The following SMARCA2 variants were observed in gnomAD, a reference collection of about 807,000 sequenced individuals.
SMARCA2 encodes SWI/SNF related BAF chromatin remodeling complex subunit ATPase 2, also known as SWI/SNF-related matrix-associated actin-dependent regulator of chromatin subfamily A member 2.
Under a neutral mutation model 199.8 loss-of-function variants are expected in SMARCA2, and 61 were observed. The observed-to-expected ratio is 0.31, with a 90% CI of 0.25 to 0.38. SMARCA2 has a LOEUF of 0.38. Ranked by LOEUF, SMARCA2 falls within the 10% of genes least tolerant of loss-of-function variation. The pLI, the probability that SMARCA2 is intolerant of heterozygous loss-of-function variation, is 1.00. For synonymous variants in SMARCA2, 935 were observed against 732.0 expected (o/e 1.28, Z -4.48); for missense variants, 1,344 against 2,012.2 (o/e 0.67, Z 6.35).
intron 8 of SMARCA2, among the ~76,000 whole-genome samples, chr9:2,059,500 G>A (rs1302359760): frequency 6.6e-6 from 1 of 152,146 alleles, no homozygotes; most frequent in African/African-American, 2.4e-5. Flanking sequence ...TCACTAAGCA[G>A]TCAAATTTGT....
intron 4 of SMARCA2, chr9:2,045,713 C>A (rs1349443349): frequency 6.6e-6 from 1 of 151,866 alleles, no homozygotes; most frequent in Non-Finnish European, 1.5e-5. Flanking sequence ...TTCTCATCAA[C>A]CCCGAGAACC....
intron 2 of SMARCA2, among the ~76,000 whole-genome samples, chr9:2,030,697 A>C (rs1819026081): frequency 6.6e-6 from 1 of 152,166 alleles, no homozygotes; most frequent in Non-Finnish European, 1.5e-5. Context: ...ATAATGTTTA[A>C]TCAAATATCT....
At chr9:2,191,454 T>A in intron 33 of SMARCA2, 46 bp downstream of exon 33, 8 of 1,605,042 alleles carry the variant, frequency 5.0e-6, no homozygotes, top group Non-Finnish European at 6.0e-6. Flanking sequence ...CCCTCTCCCC[T>A]GCTTGCTGGC....
Position 2,161,730 on chromosome 9 carries a change from GC to G in SMARCA2, c.4027del (p.Lys1344ArgfsTer40). 1 of 1,614,020 alleles carries G rather than the reference GC, an allele frequency of 6.2e-7. No individual in the cohort carries two copies. Among genetic ancestry groups the G allele is most frequent in the Non-Finnish European group, 8.5e-7 (1 of 1,179,972 alleles). On this transcript the variant is annotated frameshift_variant, in exon 28 of 34. Coordinates refer to ENST00000349721, the MANE Select transcript of SMARCA2 (RefSeq NM_003070.5). LOFTEE classifies it high-confidence loss of function. The surrounding 1 kb of genome is among the most constrained non-coding windows in gnomAD (Gnocchi z 4.7). ...TGGAGGAAATGGAAGAGGAAGTACGGCTTAAGAAGCGAAAAAGACGAAGAAA... is the reference window on the plus strand; with the variant it reads ...TGGAGGAAATGGAAGAGGAAGTACGGTTAAGAAGCGAAAAAGACGAAGAAA... ...NLEEMEEEVR[L>X]KKRKRRRNVD...
intron 30 of SMARCA2, 37 bp from the exon 31 acceptor site, chr9:2,182,104 C>G (rs1480889343): frequency 7.6e-7 from 1 of 1,315,198 alleles, no homozygotes; most frequent in Non-Finnish European, 1.1e-6. Flanking sequence ...TTTCCTCTCC[C>G]TCTTTTTTTC....
intron 1 of SMARCA2, chr9:2,015,937 C>G (rs1490446421): frequency 6.6e-6 from 1 of 152,286 alleles, no homozygotes; most frequent in Non-Finnish European, 1.5e-5. Flanking sequence ...CTGTTCATCC[C>G]GGGCAACCCT....
At chr9:2,085,419 A>G (rs1373502081) in intron 17 of SMARCA2, among the ~76,000 whole-genome samples, 1 of 152,250 alleles carries the variant, frequency 6.6e-6, no homozygotes, top group Non-Finnish European at 1.5e-5. Context: ...TCCAAGTGGA[A>G]GACCTAATTA....
At chr9:2,156,593 G>A (rs781465341) in intron 27 of SMARCA2, among the ~76,000 whole-genome samples, 3 of 151,778 alleles carry the variant, frequency 2.0e-5, no homozygotes, top group African/African-American at 4.8e-5. Flanking sequence ...CACCATGCCC[G>A]GCTAATTTTG....
At position 2,104,324 on chromosome 9, in the gene SMARCA2, C is replaced by T. The variant is rs769697076; in HGVS notation, c.3292+155C>T. 1.1e-4 allele frequency among the ~76,000 whole-genome samples: 17 copies of T among 152,184 alleles called. No individual in the cohort carries two copies. The highest frequency in any genetic ancestry group is 2.1e-4 in the Non-Finnish European group (14 of 67,994). On this transcript the variant is annotated intron_variant, in intron 23 of 33. Transcript: ENST00000349721. The surrounding 1 kb of genome is among the most constrained non-coding windows in gnomAD (Gnocchi z 4.0). ...TTTTCTAGATAGCAATTTTTTGCATCCTTAAGCTTTAAATAAGCTGACCTC... is the reference window on the plus strand; with the variant it reads ...TTTTCTAGATAGCAATTTTTTGCATTCTTAAGCTTTAAATAAGCTGACCTC...
At chr9:2,082,031 G>A in intron 15 of SMARCA2, 36 bp downstream of exon 15, 10 of 1,581,904 alleles carry the variant, frequency 6.3e-6, no homozygotes, top group Non-Finnish European at 8.6e-6. Context: ...TCATCGTTCT[G>A]TATGTTGTAG....
chr9:2,049,381 G>T (rs1451571956), intron 5 of SMARCA2, among the ~76,000 whole-genome samples: 1 of 152,026 alleles, frequency 6.6e-6, no homozygotes, highest in Non-Finnish European at 1.5e-5. Context: ...AGTACTATTT[G>T]GCCTATTCCA....
At chr9:2,146,308 G>A (rs369888917) in intron 27 of SMARCA2, among the ~76,000 whole-genome samples, 32 of 152,238 alleles carry the variant, frequency 2.1e-4, no homozygotes, top group African/African-American at 6.7e-4. Context: ...CCATCACCTT[G>A]TGGGCTAGGA....
chr9:2,108,732 G>A (rs771373953), intron 23 of SMARCA2, among the ~76,000 whole-genome samples: 5 of 152,108 alleles, frequency 3.3e-5, no homozygotes, highest in East Asian at 1.9e-4. Context: ...TTCCATTAGC[G>A]TCGTGAACAG....
In SMARCA2 at chr9:2,186,162, G is replaced by C. The variant is rs2129941206; in HGVS notation, c.4528G>C (p.Glu1510Gln). 6.2e-7 allele frequency: 1 copy of C among 1,614,056 alleles called. No homozygotes were observed. Among genetic ancestry groups the C allele is most frequent in the Non-Finnish European group, 8.5e-7 (1 of 1,179,924 alleles). ...TGCCCGGCAGAAAATTGCCAAAGAG[G>C]AAGAGAGTGAGGATGAAAGCAATGA... ...KSARQKIAKE[E>Q]ESEDESNEEE... Residue 1510 changes from glutamate (E) to glutamine (Q), a missense_variant, in exon 32 of 34, where the codon GAA becomes CAA. Transcript: ENST00000349721.
At chr9:2,061,595 A>G (rs1219279182) in intron 9 of SMARCA2, among the ~76,000 whole-genome samples, 1 of 152,234 alleles carries the variant, frequency 6.6e-6, no homozygotes, top group Non-Finnish European at 1.5e-5. Context: ...TTATATCTCA[A>G]TTCAAGAGTA....
At chr9:2,038,756 C>G (rs1819444767) in intron 3 of SMARCA2, among the ~76,000 whole-genome samples, 1 of 152,062 alleles carries the variant, frequency 6.6e-6, no homozygotes, top group Non-Finnish European at 1.5e-5. Context: ...TACTAGTACT[C>G]AATCCTTAAA....
chr9:2,161,286 C>A lies in SMARCA2; in HGVS notation c.3982-400C>A, dbSNP rs1825660651. ...ATTCTTAGGGATTGTTTTTTCATAACCCACCCCTCGTTTTGTTTACCTTTT... is the reference window on the plus strand; with the variant it reads ...ATTCTTAGGGATTGTTTTTTCATAAACCACCCCTCGTTTTGTTTACCTTTT... On this transcript the variant is annotated intron_variant, in intron 27 of 33. Coordinates refer to ENST00000349721, the MANE Select transcript of SMARCA2 (RefSeq NM_003070.5). This position sits in a 1 kb window ranked among gnomAD's most constrained non-coding sequence, Gnocchi z 4.7. Among the ~76,000 whole-genome samples, 1 of 152,118 alleles carries A rather than the reference C, an allele frequency of 6.6e-6. No individual in the cohort carries two copies. Among genetic ancestry groups the A allele is most frequent in the African/African-American group, 2.4e-5 (1 of 41,420 alleles).
chr9:2,043,415 C>G (rs1217538618), intron 4 of SMARCA2: 1 of 152,188 alleles, frequency 6.6e-6, no homozygotes, highest in East Asian at 1.9e-4. Context: ...CCGCTCAAAT[C>G]TAACCCATCA....
At chr9:2,037,346 C>T (rs976767554) in intron 3 of SMARCA2, among the ~76,000 whole-genome samples, 2 of 152,212 alleles carry the variant, frequency 1.3e-5, no homozygotes, top group South Asian at 4.1e-4. Flanking sequence ...ACTGTAATCA[C>T]TGCATGGTGT....
Sources: allele counts gnomAD v4.1 joint callset (sites outside exome capture counted in the v4.1 genomes callset), GRCh38; gene constraint gnomAD v4.1.1; non-coding constraint Gnocchi (gnomAD v3.1); transcripts MANE v1.5; gene names NCBI Gene and HGNC (gene_info 2026-07-23, HGNC 2026-07-21).